The following ST3GAL3 variants were observed in gnomAD, a reference collection of about 807,000 sequenced individuals.
ST3GAL3 encodes ST3 beta-galactoside alpha-2,3-sialyltransferase 3.
Under a neutral mutation model 50.1 loss-of-function variants are expected in ST3GAL3, and 21 were observed. The observed-to-expected ratio is 0.42, with a 90% CI of 0.30 to 0.60. The LOEUF is 0.60. Among genes scored for constraint, ST3GAL3 ranks in the 20% least tolerant of loss-of-function variants. ST3GAL3 has a pLI of 0.19. For missense variants in ST3GAL3, 353 were observed against 489.4 expected (o/e 0.72, Z 2.63); for synonymous variants, 183 against 190.0 (o/e 0.96, Z 0.30).
At chr1:43,765,772 TGTGTGTGTGTGTGCGC>T (rs1312068797) in intron 2 of ST3GAL3, among the ~76,000 whole-genome samples, 431 of 125,832 alleles carry the variant, frequency 3.4e-3, no homozygotes, top group African/African-American at 0.012. Flanking sequence ...TGTGTGTGTG[TGTGTGTGTGTGTGCGC>T]GCGCGCGCGC....
chr1:43,888,979 T>C (rs1248640381), intron 5 of ST3GAL3, among the ~76,000 whole-genome samples: 1 of 152,218 alleles, frequency 6.6e-6, no homozygotes. Context: ...CATTAAATTA[T>C]TCATTGTAAC....
chr1:43,742,303 G>A (rs896222822), intron 2 of ST3GAL3, among the ~76,000 whole-genome samples: 8 of 152,126 alleles, frequency 5.3e-5, no homozygotes, highest in Non-Finnish European at 7.4e-5. Context: ...AAGATCTACC[G>A]TAGACCCGCC....
At chr1:43,847,686 T>C (rs1417004954) in intron 5 of ST3GAL3, among the ~76,000 whole-genome samples, 2 of 152,230 alleles carry the variant, frequency 1.3e-5, no homozygotes, top group East Asian at 3.8e-4. Flanking sequence ...TTTTGCAAGA[T>C]GAAAAACAGC....
intron 2 of ST3GAL3, among the ~76,000 whole-genome samples, chr1:43,740,694 G>A (rs1316392943): frequency 6.6e-6 from 1 of 151,980 alleles, no homozygotes; most frequent in Non-Finnish European, 1.5e-5. Context: ...TGTACGGCGA[G>A]TGGTATAGCT....
chr1:43,748,977 T>C (rs1325437102), intron 2 of ST3GAL3, among the ~76,000 whole-genome samples: 1 of 152,256 alleles, frequency 6.6e-6, no homozygotes, highest in African/African-American at 2.4e-5. Context: ...TCACTTCAAG[T>C]CTTACTGTGG....
chr1:43,716,385 CTT>C (rs913791565), intron 1 of ST3GAL3: 7 of 152,084 alleles, frequency 4.6e-5, no homozygotes, highest in Non-Finnish European at 1.0e-4. Context: ...AACTGGAAAA[CTT>C]TTTCGTGGTG....
chr1:43,740,713 G>A (rs532616599), intron 2 of ST3GAL3, among the ~76,000 whole-genome samples: 1 of 152,226 alleles, frequency 6.6e-6, no homozygotes, highest in East Asian at 1.9e-4. Context: ...CTACTCAGGA[G>A]GCTGAGGTAG....
At chr1:43,846,764 G>T (rs1252656434) in intron 5 of ST3GAL3, among the ~76,000 whole-genome samples, 1 of 152,134 alleles carries the variant, frequency 6.6e-6, no homozygotes, top group Admixed American at 6.5e-5. Context: ...CTCCCAAAGT[G>T]CTGGGATTAC....
At chr1:43,774,795 T>C (rs887011674) in intron 2 of ST3GAL3, among the ~76,000 whole-genome samples, 2 of 152,180 alleles carry the variant, frequency 1.3e-5, no homozygotes, top group African/African-American at 4.8e-5. Context: ...AGCAAATACA[T>C]ATTGAGTGTC....
intron 9 of ST3GAL3, among the ~76,000 whole-genome samples, chr1:43,911,667 CTA>C (rs2080937330): frequency 6.9e-6 from 1 of 144,166 alleles, no homozygotes; most frequent in Non-Finnish European, 1.5e-5. Flanking sequence ...CTATAGATAT[CTA>C]TAGATATAGA....
intron 9 of ST3GAL3, among the ~76,000 whole-genome samples, chr1:43,917,600 AT>A (rs2082185540): frequency 5.7e-5 from 1 of 17,392 alleles, no homozygotes; most frequent in Non-Finnish European, 1.7e-4. Flanking sequence ...TATAATATAT[AT>A]ATTATATATT....
At chr1:43,715,115 T>G (rs1233150205) in intron 1 of ST3GAL3, among the ~76,000 whole-genome samples, 3 of 152,186 alleles carry the variant, frequency 2.0e-5, no homozygotes, top group Non-Finnish European at 4.4e-5. Flanking sequence ...ATCAGGAAAT[T>G]CTGTTACTGA....
chr1:43,754,788 C>T (rs900721168), intron 2 of ST3GAL3, among the ~76,000 whole-genome samples: 7 of 151,986 alleles, frequency 4.6e-5, no homozygotes, highest in African/African-American at 1.5e-4. Context: ...CACCTCTACA[C>T]AAAATTACAA....
rs1034398914 is a variant in ST3GAL3 at position 43,925,107 on chromosome 1, T to C, written c.1038+4179T>C. 1.1e-4 allele frequency among the ~76,000 whole-genome samples: 17 copies of C among 151,900 alleles called. No individual in the cohort carries two copies. The South Asian group carries it at 3.3e-3, about 30-fold the overall frequency. ...GAGTTCGAGACCAGCCTGGCTAACA[T>C]GGTGAAACCCCGTCTCTGCTAAAAA... On this transcript the variant is annotated intron_variant, in intron 11 of 11. Coordinates refer to ENST00000347631, the MANE Select transcript of ST3GAL3 (RefSeq NM_006279.5).
At chr1:43,919,225 C>G (rs1244184161) in intron 9 of ST3GAL3, 1 of 152,010 alleles carries the variant, frequency 6.6e-6, no homozygotes, top group Non-Finnish European at 1.5e-5. Flanking sequence ...TTACAGGCAA[C>G]TGACACCATG....
chr1:43,882,648 GT>G (rs1002586181), intron 5 of ST3GAL3, among the ~76,000 whole-genome samples: 35 of 152,322 alleles, frequency 2.3e-4, no homozygotes, highest in African/African-American at 7.9e-4. Context: ...GATAGTAGAT[GT>G]TTTCGGCTTT....
At chr1:43,747,023 C>T (rs1684021830) in intron 2 of ST3GAL3, among the ~76,000 whole-genome samples, 1 of 152,022 alleles carries the variant, frequency 6.6e-6, no homozygotes, top group Non-Finnish European at 1.5e-5. Context: ...GCCTCAGCCT[C>T]CCGAAGTGCG....
intron 5 of ST3GAL3, among the ~76,000 whole-genome samples, chr1:43,878,138 CTT>C: frequency 6.6e-6 from 1 of 152,314 alleles, no homozygotes; most frequent in Middle Eastern, 3.4e-3. Context: ...GCTAGCATCT[CTT>C]GTCTCGTGGC....
At chr1:43,813,901 A>ACACG (rs1312051956) in intron 3 of ST3GAL3, among the ~76,000 whole-genome samples, 5 of 63,316 alleles carry the variant, frequency 7.9e-5, no homozygotes, top group African/African-American at 2.2e-4. Context: ...ACACGCACAC[A>ACACG]CGCACACACA....
Sources: gnomAD v4.1 joint callset for allele counts (sites outside exome capture counted in the v4.1 genomes callset) on GRCh38, gnomAD v4.1.1 for gene constraint, MANE v1.5 for transcripts, NCBI Gene and HGNC (gene_info 2026-07-23, HGNC 2026-07-21) for gene names.